GALNT17: variants seen among roughly 807,000 people sequenced by gnomAD.
GALNT17 encodes UDP-GalNAc:polypeptide N-acetylgalactosaminyltransferase-like 3.
GALNT17 carries 29 observed loss-of-function variants against 63.7 expected under a neutral mutation model. The observed-to-expected ratio is 0.46, with a 90% CI of 0.34 to 0.62. The LOEUF (loss-of-function observed/expected upper bound fraction) is 0.62. Ranked by LOEUF, GALNT17 falls within the 20% of genes least tolerant of loss-of-function variation. The pLI, the probability that GALNT17 is intolerant of heterozygous loss-of-function variation, is 0.01. For missense variants in GALNT17, 603 were observed against 799.6 expected (o/e 0.75, Z 2.97); for synonymous variants, 305 against 318.3 (o/e 0.96, Z 0.45).
intron 6 of GALNT17, among the ~76,000 whole-genome samples, chr7:71,591,751 C>T (rs892428862): frequency 1.4e-4 from 21 of 152,100 alleles, no homozygotes; most frequent in African/African-American, 2.9e-4. Flanking sequence ...CAGCCTCTGC[C>T]TCCCAGATTC....
chr7:71,694,320 C>T (rs955808062), intron 9 of GALNT17, among the ~76,000 whole-genome samples: 5 of 151,652 alleles, frequency 3.3e-5, no homozygotes, highest in Admixed American at 2.6e-4. Context: ...CCGTATCAAT[C>T]TCCATAAATG....
chr7:71,398,948 G>T (rs1460036299), intron 3 of GALNT17, among the ~76,000 whole-genome samples: 3 of 152,142 alleles, frequency 2.0e-5, no homozygotes, highest in Non-Finnish European at 4.4e-5. Flanking sequence ...AAGTGGGAGT[G>T]GGGGCTGGAC....
At chr7:71,313,511 G>A (rs1259448928) in intron 1 of GALNT17, among the ~76,000 whole-genome samples, 1 of 152,118 alleles carries the variant, frequency 6.6e-6, no homozygotes, top group Non-Finnish European at 1.5e-5. Context: ...AAGACACATG[G>A]GCAAACAAAC....
intron 5 of GALNT17, among the ~76,000 whole-genome samples, chr7:71,537,498 T>C (rs1383996424): frequency 2.0e-5 from 3 of 152,086 alleles, no homozygotes; most frequent in African/African-American, 7.2e-5. Context: ...GGGCCCTAAG[T>C]CAGACGGCAA....
At chr7:71,470,913 C>T (rs1010192910) in intron 5 of GALNT17, among the ~76,000 whole-genome samples, 17 of 152,038 alleles carry the variant, frequency 1.1e-4, no homozygotes, top group African/African-American at 4.1e-4. Flanking sequence ...CCATCTGATT[C>T]CCCAAACCAC....
intron 9 of GALNT17, among the ~76,000 whole-genome samples, chr7:71,689,390 C>G (rs562444634): frequency 1.3e-5 from 2 of 152,154 alleles, no homozygotes; most frequent in South Asian, 2.1e-4. Flanking sequence ...AGTGAACACA[C>G]GAATGCTAAG....
intron 6 of GALNT17, among the ~76,000 whole-genome samples, chr7:71,613,392 A>C (rs749524791): frequency 2.1e-4 from 32 of 152,364 alleles, no homozygotes; most frequent in Non-Finnish European, 4.1e-4. Flanking sequence ...ACCGTTTGTC[A>C]GACAGCAAAG....
At chr7:71,444,334 C>A (rs1267152101) in intron 5 of GALNT17, among the ~76,000 whole-genome samples, 1 of 152,142 alleles carries the variant, frequency 6.6e-6, no homozygotes. Flanking sequence ...CTCGCCACTT[C>A]CCCTTTCCTT....
chr7:71,291,102 G>C (rs758235296), intron 1 of GALNT17, among the ~76,000 whole-genome samples: 30 of 152,200 alleles, frequency 2.0e-4, no homozygotes, highest in Admixed American at 1.3e-3. Context: ...GTTACCAACA[G>C]AAATATACCC....
In GALNT17 at chr7:71,559,784, C is replaced by T. The variant is rs572264535; in HGVS notation, c.963-11501C>T. 1.0e-3 allele frequency among the ~76,000 whole-genome samples: 156 copies of T among 151,902 alleles called. 1 individual carries two copies. Among genetic ancestry groups the T allele is most frequent in the South Asian group, 9.6e-3 (46 of 4,810 alleles). On this transcript the variant is annotated intron_variant, in intron 5 of 10. Coordinates refer to ENST00000333538, the MANE Select transcript of GALNT17 (RefSeq NM_022479.3). ...GCTGAAGTGGGAGGATTGCTTGAGC[C>T]GGGAGATCGAGGCTGCAGTGAGCCG...
At chr7:71,613,067 A>C (rs1327625741) in intron 6 of GALNT17, among the ~76,000 whole-genome samples, 1 of 152,162 alleles carries the variant, frequency 6.6e-6, no homozygotes, top group African/African-American at 2.4e-5. Context: ...TCTGAATCCA[A>C]GCCAACACTG....
At chr7:71,150,106 G>A (rs544101079) in intron 1 of GALNT17, among the ~76,000 whole-genome samples, 2 of 152,222 alleles carry the variant, frequency 1.3e-5, no homozygotes, top group South Asian at 4.2e-4. Flanking sequence ...TGATTCCAGG[G>A]CACCCTTCTC....
At chr7:71,709,585 T>TTG (rs1791763342) in intron 9 of GALNT17, among the ~76,000 whole-genome samples, 1 of 147,066 alleles carries the variant, frequency 6.8e-6, no homozygotes, top group African/African-American at 2.6e-5. Flanking sequence ...TGGGTTTTTT[T>TTG]TTTTGTTTTT....
At chr7:71,570,231 G>A (rs913563534) in intron 5 of GALNT17, among the ~76,000 whole-genome samples, 1 of 152,018 alleles carries the variant, frequency 6.6e-6, no homozygotes, top group Non-Finnish European at 1.5e-5. Context: ...CGACTTCATG[G>A]TTACTCTACA....
chr7:71,679,814 A>T (rs1344474038), intron 9 of GALNT17, among the ~76,000 whole-genome samples: 1 of 151,872 alleles, frequency 6.6e-6, no homozygotes, highest in Non-Finnish European at 1.5e-5. Flanking sequence ...CCATCCCCAG[A>T]GTTTTTGGGT....
At chr7:71,399,138 G>A (rs564635590) in intron 3 of GALNT17, among the ~76,000 whole-genome samples, 21 of 152,312 alleles carry the variant, frequency 1.4e-4, no homozygotes, top group Non-Finnish European at 2.8e-4. Context: ...GGAGGCTGAG[G>A]CAGCAGAATT....
At chr7:71,395,251 C>A (rs1293344958) in intron 3 of GALNT17, among the ~76,000 whole-genome samples, 1 of 152,214 alleles carries the variant, frequency 6.6e-6, no homozygotes, top group Non-Finnish European at 1.5e-5. Flanking sequence ...TCTACCCTTA[C>A]CCCATTCCTT....
chr7:71,496,205 G>A (rs1788091393), intron 5 of GALNT17, among the ~76,000 whole-genome samples: 1 of 152,138 alleles, frequency 6.6e-6, no homozygotes, highest in South Asian at 2.1e-4. Context: ...CCCAGGACTT[G>A]AATGTGAAGG....
intron 1 of GALNT17, among the ~76,000 whole-genome samples, chr7:71,162,134 T>TCCC (rs1221550271): frequency 8.5e-5 from 11 of 129,386 alleles, no homozygotes; most frequent in African/African-American, 2.9e-4. Flanking sequence ...CCTTCCTTCC[T>TCCC]TCCTTCCTTC....
Sources: allele counts gnomAD v4.1 joint callset (sites outside exome capture counted in the v4.1 genomes callset), GRCh38; gene constraint gnomAD v4.1.1; transcripts MANE v1.5; gene names NCBI Gene and HGNC (gene_info 2026-07-23, HGNC 2026-07-21).